Variants in ZNF177 observed in about 807,000 individuals in gnomAD.
The protein encoded by ZNF177 is zinc finger protein 177.
In ZNF177, 17 loss-of-function variants were observed where a neutral mutation model predicts 19.4. The observed-to-expected ratio is 0.87, with a 90% CI of 0.60 to 1.31. ZNF177 has a LOEUF of 1.31. ZNF177 is among the 40% of genes most tolerant of loss of function. ZNF177 has a pLI of 0.00. For missense variants in ZNF177, 633 were observed against 561.8 expected, an observed-to-expected ratio of 1.13 and a Z score of -1.28; for synonymous variants, 220 against 188.7, an observed-to-expected ratio of 1.17 and a Z score of -1.36.
chr19:9,380,283 T>G, intron 5 of ZNF177, 144 bp downstream of exon 7: 4 of 1,079,556 alleles, frequency 3.7e-6, no homozygotes, highest in Non-Finnish European at 5.1e-6. Flanking sequence ...GTTTGGAGTT[T>G]GATTTTCATG....
chr19:9,363,255 TG>T (rs1433344220), intron 1 of ZNF177, 171 bp downstream of exon 1: 1 of 152,294 alleles, frequency 6.6e-6, no homozygotes, highest in East Asian at 1.9e-4. Flanking sequence ...CTGCTGGGCT[TG>T]GGGCTGCCAT....
At position 9,380,139 on chromosome 19, in the gene ZNF177, G is replaced by T. The variant is rs752207036; in HGVS notation, c.336G>T (p.Thr112=). The T allele has an allele frequency of 5.0e-6, 8 of 1,604,142 alleles. No homozygotes were observed. The Admixed American group carries it at 1.2e-4, about 25-fold the overall frequency. The change falls in exon 5 of 6, where the codon ACG becomes ACT. Residue 112 remains threonine, a splice_region_variant and synonymous_variant. Transcript: ENST00000589262. The stretch of plus-strand genomic sequence containing the variant: ...GAAAAACATCCAATGGCATAAACAC[G>T]GTAAGACTTACTAGGAAGTATTCCT...
Position 9,381,657 on chromosome 19 carries a change from CGT to C in ZNF177, c.1328_1329del (p.Val443GlufsTer10). The C allele has an allele frequency of 6.2e-7, 1 of 1,612,532 alleles. No individual in the cohort carries two copies. Among genetic ancestry groups the C allele is most frequent in the African/African-American group, 1.3e-5 (1 of 74,988 alleles). On this transcript the variant is annotated frameshift_variant, in exon 6 of 6. Coordinates refer to ENST00000589262, the Ensembl canonical transcript of ZNF177. LOFTEE classifies it low-confidence loss of function (END_TRUNC). The stretch of plus-strand genomic sequence containing the variant: ...GGAATTCCTCTTGCCTGAGGGTACA[CGT>C]GAGAACTCACACTGGAGAGAAGCCT...
rs1172748588 is a variant in ZNF177 at position 9,380,781 on chromosome 19, T to A, written c.450T>A (p.Tyr150Ter). 3.9e-6 allele frequency: 6 copies of A among 1,535,972 alleles called. No homozygotes were observed. The highest frequency in any genetic ancestry group is 3.9e-5 in the Admixed American group (2 of 50,980). Reference sequence around the variant, plus strand: ...GCAAGGGAGAGAAATGCTATAAATATATAAAGTATAGCAAAGTCTTCAACC... The same window carrying A: ...GCAAGGGAGAGAAATGCTATAAATAAATAAAGTATAGCAAAGTCTTCAACC... Residue 150 changes from tyrosine (Y) to a stop codon, truncating the protein, a stop_gained, in exon 6 of 6, where the codon TAT becomes TAA. Coordinates refer to ENST00000589262, the Ensembl canonical transcript of ZNF177. LOFTEE classifies it low-confidence loss of function (END_TRUNC).
chr19:9,371,214 T>G (rs182595336), intron 2 of ZNF177, among the ~76,000 whole-genome samples: 314 of 152,324 alleles, frequency 2.1e-3, no homozygotes, highest in Admixed American at 5.6e-3. Flanking sequence ...GTTCCCTGAT[T>G]GGCTACAGAA....
exon 6 of ZNF177, chr19:9,382,136 CAA>C (rs1204392809): frequency 2.5e-6 from 1 of 399,374 alleles, no homozygotes; most frequent in African/African-American, 2.1e-5. Flanking sequence ...GTTGCTGTCT[CAA>C]TATCCATTCC....
At chr19:9,371,458 A>G (rs1047094131), upstream of ZNF177, among the ~76,000 whole-genome samples, 1 of 152,144 alleles carries the variant, frequency 6.6e-6, no homozygotes, top group East Asian at 1.9e-4. Flanking sequence ...TTATCTTTGT[A>G]TTTCTTATAA....
intron 1 of ZNF177, among the ~76,000 whole-genome samples, chr19:9,377,565 A>G (rs1357264312): frequency 2.0e-5 from 3 of 152,288 alleles, no homozygotes; most frequent in Middle Eastern, 3.4e-3. Context: ...ATTAATGCGT[A>G]TGTGTCTTCG....
intron 4 of ZNF177, 100 bp from the exon 7 acceptor site, chr19:9,379,957 G>T (rs769994719): frequency 8.2e-6 from 11 of 1,346,660 alleles, no homozygotes; most frequent in Non-Finnish European, 9.1e-6. Flanking sequence ...TCTCTACTTA[G>T]AAGATATTAT....
At chr19:9,380,509 C>A in intron 5 of ZNF177, 159 bp from the exon 8 acceptor site, 1 of 1,442,780 alleles carries the variant, frequency 6.9e-7, no homozygotes, top group Non-Finnish European at 9.3e-7. Flanking sequence ...CTCGAAAAAG[C>A]TAATAGGGCA....
upstream of ZNF177, among the ~76,000 whole-genome samples, chr19:9,375,515 T>C (rs1461182138): frequency 6.6e-6 from 1 of 152,206 alleles, no homozygotes; most frequent in Non-Finnish European, 1.5e-5. Flanking sequence ...CCTTACTCAT[T>C]ATTGATCTTG....
exon 6 of ZNF177, chr19:9,381,656 A>C: frequency 6.2e-7 from 1 of 1,614,182 alleles, no homozygotes; most frequent in Non-Finnish European, 8.5e-7. Context: ...CTGAGGGTAC[A>C]CGTGAGAACT....
At chr19:9,381,871 A>G in exon 6 of ZNF177, 1 of 1,501,578 alleles carries the variant, frequency 6.7e-7, no homozygotes, top group Non-Finnish European at 8.8e-7. Flanking sequence ...ACCTGGAAAC[A>G]GCCTTCTGGC....
intron 2 of ZNF177, among the ~76,000 whole-genome samples, chr19:9,366,799 A>C (rs1304618615): frequency 1.3e-5 from 2 of 152,118 alleles, no homozygotes; most frequent in Admixed American, 1.3e-4. Context: ...ACCACTTCCC[A>C]CTTCACTCCC....
intron 2 of ZNF177, 153 bp downstream of exon 4, chr19:9,378,497 G>A: frequency 8.1e-7 from 1 of 1,233,568 alleles, no homozygotes; most frequent in South Asian, 1.6e-5. Context: ...GGAATCCCTG[G>A]GAAAGGCTTC....
rs535008686 is a variant in ZNF177, at chr19:9,365,716, G to A, written c.-305+768G>A. ...ACCGGCGCCGGAGTTTTGGGTCCAT[G>A]GATAAAACACGTCTCCTGTCTACGA... On this transcript the variant is annotated intron_variant, in intron 2 of 8. Transcript: ENST00000343499. Among the ~76,000 whole-genome samples the A allele has an allele frequency of 2.2e-3, 338 of 152,166 alleles. 1 individual carries two copies. Among genetic ancestry groups the A allele is most frequent in the Non-Finnish European group, 4.1e-3 (280 of 68,000 alleles).
chr19:9,376,282 C>T (rs910117779), upstream of ZNF177: 2 of 152,228 alleles, frequency 1.3e-5, no homozygotes, highest in African/African-American at 4.8e-5. Context: ...GATGCCACCA[C>T]ACCCAAATAA....
At chr19:9,381,235 C>A (rs1349907175) in exon 6 of ZNF177, 1 of 1,614,128 alleles carries the variant, frequency 6.2e-7, no homozygotes, top group South Asian at 1.1e-5. Flanking sequence ...CCTTAAGAAA[C>A]ACATGAGATC....
At chr19:9,379,578 T>A in exon 4 of ZNF177, 1 of 1,613,958 alleles carries the variant, frequency 6.2e-7, no homozygotes, top group Non-Finnish European at 8.5e-7. Context: ...CAAGAACAGC[T>A]GAAGACAGAT....
Sources: gnomAD v4.1 joint callset for allele counts (sites outside exome capture counted in the v4.1 genomes callset) on GRCh38, gnomAD v4.1.1 for gene constraint, MANE v1.5 for transcripts, NCBI Gene and HGNC (gene_info 2026-07-23, HGNC 2026-07-21) for gene names.